The following NEK5 variants were observed in gnomAD, a reference collection of about 807,000 sequenced individuals.
NEK5 encodes the protein NIMA related kinase 5.
A neutral mutation model predicts 109.2 loss-of-function variants in NEK5; 88 were observed. That is an observed-to-expected ratio of 0.81 (90% CI 0.68 to 0.96). NEK5 has a LOEUF of 0.96. Among genes scored for constraint, NEK5 ranks in the 40% least tolerant of loss-of-function variants. NEK5 has a pLI of 0.00. For missense variants in NEK5, 834 were observed against 920.7 expected, an observed-to-expected ratio of 0.91 and a Z score of 1.22; for synonymous variants, 283 against 299.9, an observed-to-expected ratio of 0.94 and a Z score of 0.58.
intron 4 of NEK5, among the ~76,000 whole-genome samples, chr13:52,119,040 G>T (rs1050873651): frequency 6.6e-6 from 1 of 152,130 alleles, no homozygotes; most frequent in Admixed American, 6.5e-5. Flanking sequence ...AAATTTGGGG[G>T]TTGTTACTAC....
chr13:52,092,290 A>C (rs1955300655), intron 13 of NEK5, among the ~76,000 whole-genome samples: 1 of 152,210 alleles, frequency 6.6e-6, no homozygotes, highest in Non-Finnish European at 1.5e-5. Context: ...CATAATTACA[A>C]CACTTCTCAC....
intron 4 of NEK5, among the ~76,000 whole-genome samples, chr13:52,117,538 T>A (rs548970530): frequency 1.3e-5 from 2 of 152,338 alleles, no homozygotes; most frequent in Admixed American, 1.3e-4. Flanking sequence ...CTGCAAAAGC[T>A]TCCAGTGGTA....
chr13:52,126,785 G>T (rs1442658483), intron 3 of NEK5, among the ~76,000 whole-genome samples: 1 of 146,778 alleles, frequency 6.8e-6, no homozygotes, highest in Non-Finnish European at 1.5e-5. Flanking sequence ...TCTAAAAAAA[G>T]AAAAGAAAAG....
At chr13:52,039,497 C>T (rs534904369) in intron 23 of NEK5, among the ~76,000 whole-genome samples, 3 of 152,258 alleles carry the variant, frequency 2.0e-5, no homozygotes, top group East Asian at 3.9e-4. Flanking sequence ...AATTTATTTT[C>T]GTTGTTGCTG....
rs190655089 is a variant in NEK5, at chr13:52,060,870, T to C, written c.2110+949A>G. 9.5e-3 allele frequency among the ~76,000 whole-genome samples: 1,448 copies of C among 152,190 alleles called. 32 individuals carry two copies. The highest frequency in any genetic ancestry group is 0.058 in the Admixed American group (888 of 15,274). On this transcript the variant is annotated intron_variant, in intron 22 of 23. Coordinates refer to ENST00000684899, the MANE Select transcript of NEK5 (RefSeq NM_001365552.1). ...ATGATGTGATTTCCCTCAAACTTTATTTTTTATTTTTAGAGACAAGTTCTT... is the reference window on the plus strand; with the variant it reads ...ATGATGTGATTTCCCTCAAACTTTACTTTTTATTTTTAGAGACAAGTTCTT...
At chr13:52,063,342 C>G (rs528931737) in intron 21 of NEK5, among the ~76,000 whole-genome samples, 1 of 152,336 alleles carries the variant, frequency 6.6e-6, no homozygotes, top group Non-Finnish European at 1.5e-5. Flanking sequence ...CCCGAGGTGC[C>G]GGGTTTGCAG....
At position 52,093,036 on chromosome 13, in the gene NEK5, G is replaced by A. The variant is rs1353724044; in HGVS notation, c.1208+18C>T. ...TATTTTTAGATTAACCAAAGCTTAA[G>A]CTAGACCACAATATTACCATTGACT... On this transcript the variant is annotated intron_variant, in intron 13 of 23. Coordinates refer to ENST00000684899, the MANE Select transcript of NEK5 (RefSeq NM_001365552.1). 1.3e-6 allele frequency: 2 copies of A among 1,564,236 alleles called. No homozygotes were observed. The highest frequency in any genetic ancestry group is 1.8e-6 in the Non-Finnish European group (2 of 1,141,540).
chr13:52,099,651 A>T (rs143521332), intron 12 of NEK5, 92 bp downstream of exon 12: 19,693 of 1,381,608 alleles, frequency 0.014, 514 homozygotes, highest in Admixed American at 0.11. Flanking sequence ...GCCTGGCGAC[A>T]GAGCGAGACT....
At chr13:52,047,242 T>C (rs1309528317) in intron 23 of NEK5, among the ~76,000 whole-genome samples, 1 of 152,176 alleles carries the variant, frequency 6.6e-6, no homozygotes, top group Non-Finnish European at 1.5e-5. Context: ...ATTTAAACTA[T>C]ACATATACTA....
rs1954343894 is a variant in NEK5, at chr13:52,034,770, C to T, written c.*2178G>A. The T allele has an allele frequency of 1.4e-5, 2 of 144,486 alleles. No individual in the cohort carries two copies. Among genetic ancestry groups the T allele is most frequent in the African/African-American group, 2.5e-5 (1 of 39,652 alleles). The allele number at this position is 144,486 out of a possible 1,614,324, so 9.0% of individuals were successfully genotyped here. On this transcript the variant is annotated 3_prime_UTR_variant, in exon 24 of 24. Transcript: ENST00000684899. ...CTATGTTGCCCAGGCTGGTCTCAAA[C>T]TCCTGGGCTCAAGCGATCCTCCTGC...
Position 52,037,207 on chromosome 13 carries a change from T to C in NEK5, c.2240A>G (p.Glu747Gly). ...RSDDDDTNFEESEDELRDEVV... is the reference protein window; with the variant it reads ...RSDDDDTNFEGSEDELRDEVV... ...TTCATCTCTCAACTCATCTTCAGATTCTTCAAAATTTCTGAAATAATAAGC... is the reference window on the plus strand; with the variant it reads ...TTCATCTCTCAACTCATCTTCAGATCCTTCAAAATTTCTGAAATAATAAGC... The change falls in exon 24 of 24, where the codon GAA (glutamate) becomes GGA (glycine). Residue 747 changes from glutamate to glycine, a missense_variant. Around this residue, in one of 2 missense-constraint regions of NEK5, gnomAD observed 57 missense variants for 96.0 expected, o/e 0.59. Transcript: ENST00000684899. The C allele has an allele frequency of 2.0e-6, 2 of 983,484 alleles. No individual in the cohort carries two copies. Among genetic ancestry groups the C allele is most frequent in the Non-Finnish European group, 2.4e-6 (2 of 828,124 alleles). 60.9% of individuals were successfully genotyped at this position (983,484 alleles called of 1,614,324 possible). A position where few individuals can be genotyped will look rare whatever the true frequency, so the allele number is the denominator to read the frequency against.
chr13:52,119,704 C>A (rs1424682473), intron 3 of NEK5, among the ~76,000 whole-genome samples: 2 of 151,966 alleles, frequency 1.3e-5, no homozygotes, highest in Non-Finnish European at 2.9e-5. Context: ...CCATATGGAG[C>A]CATATTTTAA....
chr13:52,036,992 C>T lies in NEK5; in HGVS notation c.2455G>A (p.Glu819Lys). The T allele has an allele frequency of 1.0e-6, 1 of 985,236 alleles. No individual in the cohort carries two copies. The allele number at this position is 985,236 out of a possible 1,614,324, so 61.0% of individuals were successfully genotyped here. ...CTGGTTGTTGATGTTCCTTGGTCTT[C>T]ATCAGTAATACAAATGTGGTCATTA... ...TSNDHICITD[E>K]DQGTSTTSQN... The change falls in exon 24 of 24, where the codon GAA (glutamate) becomes AAA (lysine). Residue 819 changes from glutamate (E) to lysine (K), a missense_variant. Coordinates refer to ENST00000684899, the MANE Select transcript of NEK5 (RefSeq NM_001365552.1).
rs1168783977 is a variant in NEK5, at chr13:52,064,447, TG to T, written c.1975+1036del. Among the ~76,000 whole-genome samples the T allele has an allele frequency of 4.7e-3, 372 of 79,484 alleles. 2 individuals are homozygous for T. Among genetic ancestry groups the T allele is most frequent in the African/African-American group, 0.016 (323 of 19,586 alleles). 52.1% of individuals were successfully genotyped at this position (79,484 alleles called of 152,430 possible). On this transcript the variant is annotated intron_variant, in intron 21 of 23. Coordinates refer to ENST00000684899, the MANE Select transcript of NEK5 (RefSeq NM_001365552.1). ...CCAGCCACCCCGTCCGGGAGGGAGG[TG>T]GGGGGGGTCAGCCCCCCGCCCGGCC... is the stretch of plus-strand genomic sequence containing the variant.
intron 12 of NEK5, among the ~76,000 whole-genome samples, chr13:52,098,788 C>T (rs983242894): frequency 5.9e-5 from 9 of 152,084 alleles, no homozygotes; most frequent in Non-Finnish European, 1.3e-4. Context: ...TAAGAGCATA[C>T]AGCATTGTTT....
intron 21 of NEK5, among the ~76,000 whole-genome samples, chr13:52,064,370 C>G (rs12876712): frequency 3.6e-5 from 5 of 140,466 alleles, no homozygotes; most frequent in Non-Finnish European, 6.3e-5. Flanking sequence ...TCAGCCCCCC[C>G]GCCCGGCCAG....
At position 52,097,607 on chromosome 13, in the gene NEK5, C is replaced by T. The variant is rs183723256; in HGVS notation, c.1026+2136G>A. On this transcript the variant is annotated intron_variant, in intron 12 of 23. Coordinates refer to ENST00000684899, the MANE Select transcript of NEK5 (RefSeq NM_001365552.1). The stretch of plus-strand genomic sequence containing the variant: ...TGAAATGGGTGTATTTACCCAATGC[C>T]TGTACCCTCATTGTATTTTGGAAGT... Among the ~76,000 whole-genome samples the T allele has an allele frequency of 2.1e-3, 326 of 152,330 alleles. 2 individuals are homozygous for T. Among genetic ancestry groups the T allele is most frequent in the African/African-American group, 7.2e-3 (301 of 41,582 alleles).
At chr13:52,054,118 T>C (rs1954531714) in intron 22 of NEK5, among the ~76,000 whole-genome samples, 1 of 152,352 alleles carries the variant, frequency 6.6e-6, no homozygotes, top group South Asian at 2.1e-4. Flanking sequence ...TTTGGTTTAA[T>C]GAAAGCAGCA....
intron 4 of NEK5, among the ~76,000 whole-genome samples, chr13:52,113,680 C>G (rs1374993221): frequency 2.7e-5 from 4 of 149,204 alleles, no homozygotes; most frequent in African/African-American, 9.9e-5. Context: ...ATTATGTCTT[C>G]TTATGTTAAA....
Sources: allele counts gnomAD v4.1 joint callset (sites outside exome capture counted in the v4.1 genomes callset), GRCh38; gene constraint gnomAD v4.1.1; regional missense constraint gnomAD v4.1.1; transcripts MANE v1.5; gene names NCBI Gene and HGNC (gene_info 2026-07-23, HGNC 2026-07-21).